COPB1: variants seen among roughly 807,000 people sequenced by gnomAD.
COPB1 encodes the protein coatomer subunit beta.
A neutral mutation model predicts 108.7 loss-of-function variants in COPB1; 21 were observed. That is an observed-to-expected ratio of 0.19 (90% confidence interval 0.14 to 0.28). The LOEUF (loss-of-function observed/expected upper bound fraction) is 0.28, where lower values mean the gene tolerates loss of function less well. Ranked by LOEUF, COPB1 falls within the 10% of genes least tolerant of loss-of-function variation. COPB1 has a pLI of 1.00. For missense variants in COPB1, 919 were observed against 1,141.3 expected (o/e 0.81, Z 2.81); for synonymous variants, 378 against 386.8 (o/e 0.98, Z 0.27).
intron 4 of COPB1, among the ~76,000 whole-genome samples, chr11:14,491,670 A>C (rs112300413): frequency 8.1e-3 from 25 of 3,084 alleles, no homozygotes; most frequent in Admixed American, 0.078. Context: ...ACTCTGTCTC[A>C]AAAAAAAAAA....
chr11:14,490,696 T>C lies in COPB1; in HGVS notation c.492-17A>G. 1.5e-6 allele frequency: 2 copies of C among 1,347,624 alleles called. No individual in the cohort carries two copies. The highest frequency in any genetic ancestry group is 1.1e-6 in the Non-Finnish European group (1 of 950,268). 83.5% of individuals were successfully genotyped at this position (1,347,624 alleles called of 1,614,324 possible). A position where few individuals can be genotyped will look rare whatever the true frequency, so the allele number is the denominator to read the frequency against. On this transcript the variant is annotated splice_polypyrimidine_tract_variant and intron_variant, in intron 4 of 21. Transcript: ENST00000439561. Reference sequence around the variant, plus strand: ...TCAAAATTTCTTTAAATAAAACAGGTAACATCCATATTTAATAAAAGCCTA... The same window carrying C: ...TCAAAATTTCTTTAAATAAAACAGGCAACATCCATATTTAATAAAAGCCTA...
At chr11:14,489,906 T>C (rs924357967) in intron 5 of COPB1, among the ~76,000 whole-genome samples, 1 of 152,192 alleles carries the variant, frequency 6.6e-6, no homozygotes, top group African/African-American at 2.4e-5. Flanking sequence ...TTTAAATAAC[T>C]GGGGGACAAT....
intron 4 of COPB1, among the ~76,000 whole-genome samples, chr11:14,490,914 C>T (rs1031607099): frequency 1.3e-5 from 2 of 151,516 alleles, no homozygotes; most frequent in Non-Finnish European, 1.5e-5. Flanking sequence ...CTCAGCCTCC[C>T]GAGTAGCTGC....
At chr11:14,487,364 A>G (rs901895285) in intron 6 of COPB1, among the ~76,000 whole-genome samples, 6 of 152,144 alleles carry the variant, frequency 3.9e-5, no homozygotes, top group Admixed American at 3.3e-4. Context: ...GTGGTATCCT[A>G]AACTATACAC....
chr11:14,470,899 TACACACACACACACACACACACACAC>T (rs56957263), intron 14 of COPB1, among the ~76,000 whole-genome samples: 14 of 134,766 alleles, frequency 1.0e-4, no homozygotes, highest in Admixed American at 1.5e-4. Context: ...GTGGAAGAAA[TACACACACACACACACACACACACAC>T]ACACACACAC....
chr11:14,485,456 T>A (rs1850748774), intron 7 of COPB1, among the ~76,000 whole-genome samples: 1 of 152,236 alleles, frequency 6.6e-6, no homozygotes, highest in African/African-American at 2.4e-5. Context: ...TGTTAGCCTC[T>A]GTGCCCAGCC....
chr11:14,493,397 A>G (rs1233691375), intron 4 of COPB1, among the ~76,000 whole-genome samples: 1 of 152,210 alleles, frequency 6.6e-6, no homozygotes, highest in Admixed American at 6.5e-5. Flanking sequence ...ATAAACTGTA[A>G]AGTATATAAC....
intron 18 of COPB1, among the ~76,000 whole-genome samples, chr11:14,462,655 C>G (rs903313539): frequency 1.3e-5 from 2 of 152,164 alleles, no homozygotes; most frequent in African/African-American, 4.8e-5. Flanking sequence ...TTGGAATTCA[C>G]TCTCACATCC....
intron 11 of COPB1, chr11:14,478,914 T>G (rs1001291726): frequency 6.9e-6 from 1 of 145,880 alleles, no homozygotes; most frequent in African/African-American, 2.6e-5. Context: ...TCTTTTAAAA[T>G]TTGTTTAGCA....
intron 11 of COPB1, chr11:14,478,957 C>CAAAAAAAAAAAA (rs35295507): frequency 1.5e-5 from 1 of 68,396 alleles, no homozygotes; most frequent in African/African-American, 5.8e-5. Context: ...AGCCCTCTCA[C>CAAAAAAAAAAAA]AAAAAAAAAA....
chr11:14,473,840 T>TAAA (rs60686212), intron 14 of COPB1, among the ~76,000 whole-genome samples: 2 of 138,440 alleles, frequency 1.4e-5, no homozygotes, highest in African/African-American at 2.7e-5. Context: ...TTCATTTGTT[T>TAAA]AAAAAAAAAA....
intron 8 of COPB1, among the ~76,000 whole-genome samples, chr11:14,482,734 C>T (rs1850687671): frequency 6.6e-6 from 1 of 152,188 alleles, no homozygotes; most frequent in African/African-American, 2.4e-5. Flanking sequence ...CAGGGTTTTA[C>T]CATGTTGGCC....
At chr11:14,458,505 T>C (rs1243488530) in intron 21 of COPB1, 27 bp downstream of exon 21, 4 of 1,593,326 alleles carry the variant, frequency 2.5e-6, no homozygotes, top group Middle Eastern at 3.4e-4. Context: ...AGTCCAGAGA[T>C]ACTCTCAAAA....
rs1850076800 is a variant in COPB1, at chr11:14,458,576, C to T, written c.2758G>A (p.Asp920Asn). Residue 920 changes from aspartate to asparagine, a missense_variant, in exon 21 of 22, where the codon GAT becomes AAT. Around this residue, in one of 5 missense-constraint regions of COPB1, gnomAD observed 705 missense variants for 817.8 expected, o/e 0.86. Coordinates refer to ENST00000439561, the MANE Select transcript of COPB1 (RefSeq NM_001144061.2). ...SIEKPIHQGP[D>N]AAVTGHIRIR... is the part of the protein sequence containing the mutation. ...CTTATATGGCCGGTAACAGCAGCAT[C>T]TGGTCCCTGGTGAATTGGCTTCTCA... The T allele has an allele frequency of 6.2e-7, 1 of 1,613,438 alleles. No homozygotes were observed. The highest frequency in any genetic ancestry group is 8.5e-7 in the Non-Finnish European group (1 of 1,179,752).
At chr11:14,459,932 T>TTA in intron 20 of COPB1, 1 of 254,376 alleles carries the variant, frequency 3.9e-6, no homozygotes. Flanking sequence ...TACTTTAGAA[T>TTA]GTGCCTCTAG....
chr11:14,460,029 T>C, intron 20 of COPB1, 179 bp downstream of exon 20: 2 of 477,634 alleles, frequency 4.2e-6, no homozygotes, highest in South Asian at 4.0e-5. Context: ...AAAAGTAGGA[T>C]GGTATAGTCC....
intron 10 of COPB1, among the ~76,000 whole-genome samples, chr11:14,480,178 T>G (rs1850630842): frequency 6.6e-6 from 1 of 152,156 alleles, no homozygotes; most frequent in African/African-American, 2.4e-5. Flanking sequence ...GTAAACAAAG[T>G]CACAATGGCT....
At chr11:14,479,866 C>T (rs1418954177) in intron 10 of COPB1, 152 bp from the exon 11 acceptor site, 3 of 756,956 alleles carry the variant, frequency 4.0e-6, no homozygotes, top group South Asian at 2.1e-5. Context: ...AATAGTGGCA[C>T]AATCATAGCT....
At chr11:14,492,872 G>A (rs140670241) in intron 4 of COPB1, among the ~76,000 whole-genome samples, 6 of 152,258 alleles carry the variant, frequency 3.9e-5, no homozygotes, top group East Asian at 3.9e-4. Context: ...TCAGCCGGGC[G>A]TGGCAGCCTG....
Sources: allele counts gnomAD v4.1 joint callset (sites outside exome capture counted in the v4.1 genomes callset), GRCh38; gene constraint gnomAD v4.1.1; regional missense constraint gnomAD v4.1.1; transcripts MANE v1.5; gene names NCBI Gene and HGNC (gene_info 2026-07-23, HGNC 2026-07-21).